DYNC2I2: variants seen among roughly 807,000 people sequenced by gnomAD.
DYNC2I2 encodes the protein dynein 2 intermediate chain 2.
Under a neutral mutation model 52.0 loss-of-function variants are expected in DYNC2I2, and 39 were observed. The observed-to-expected ratio is 0.75, with a 90% confidence interval of 0.58 to 0.98. The LOEUF (loss-of-function observed/expected upper bound fraction) is 0.98, where lower values mean the gene tolerates loss of function less well. Ranked by LOEUF, DYNC2I2 falls within the 50% of genes least tolerant of loss-of-function variation. The pLI is 0.00. For synonymous variants in DYNC2I2, 359 were observed against 321.1 expected (o/e 1.12, Z -1.26); for missense variants, 743 against 728.4 (o/e 1.02, Z -0.23).
At chr9:128,672,660 G>C in the DYNC2I2 span, among the ~76,000 whole-genome samples, 3 of 151,926 alleles carry the variant, frequency 2.0e-5, no homozygotes, top group Non-Finnish European at 4.4e-5. Flanking sequence ...AAAGAAGCCA[G>C]ATTCAATGAA....
chr9:128,663,301 C>G, the DYNC2I2 span: 2 of 152,190 alleles, frequency 1.3e-5, no homozygotes, highest in African/African-American at 2.4e-5. Flanking sequence ...TCAATTCAGG[C>G]CCCACTCCTT....
chr9:128,650,623 T>C lies in DYNC2I2; in HGVS notation c.186+5918A>G, dbSNP rs1860703308. On this transcript the variant is annotated intron_variant, in intron 1 of 8. Coordinates refer to ENST00000372715, the MANE Select transcript of DYNC2I2 (RefSeq NM_052844.4). ...CATGTCGGTCAGGCTGGTCTTCAAC[T>C]CCCAGTCGACCTCAGTTGATCTGCA... 3.8e-5 allele frequency among the ~76,000 whole-genome samples: 2 copies of C among 52,430 alleles called. 1 individual carries two copies. The highest frequency in any genetic ancestry group is 1.2e-3 in the South Asian group (2 of 1,716). 34.4% of individuals were successfully genotyped at this position (52,430 alleles called of 152,430 possible).
intron 2 of DYNC2I2, among the ~76,000 whole-genome samples, chr9:128,637,386 C>T (rs984454684): frequency 5.3e-5 from 8 of 152,324 alleles, no homozygotes; most frequent in African/African-American, 1.4e-4. Flanking sequence ...TCAAGCGAAC[C>T]ACCCGACGTC....
Position 128,640,831 on chromosome 9 carries a change from G to A in DYNC2I2, c.295C>T (p.Pro99Ser), listed in dbSNP as rs754573882. The change falls in exon 2 of 9, where the codon CCC becomes TCC. Residue 99 changes from proline (P) to serine (S), a missense_variant. Transcript: ENST00000372715. ...TEAPVPVSVQ[P>S]PSQYDIPRLA... ...CTGGGTATGTCATACTGGGACGGGGGCTGCACGCTGACAGGCACGGGGGCC... is the reference window on the plus strand; with the variant it reads ...CTGGGTATGTCATACTGGGACGGGGACTGCACGCTGACAGGCACGGGGGCC... 4.3e-6 allele frequency: 7 copies of A among 1,613,838 alleles called. No individual in the cohort carries two copies. The highest frequency in any genetic ancestry group is 5.9e-6 in the Non-Finnish European group (7 of 1,179,964).
At chr9:128,641,512 T>G (rs1360810307) in intron 1 of DYNC2I2, among the ~76,000 whole-genome samples, 1 of 152,156 alleles carries the variant, frequency 6.6e-6, no homozygotes, top group Non-Finnish European at 1.5e-5. Context: ...CCTGGTCCCC[T>G]GCTTAGCTGT....
intron 1 of DYNC2I2, chr9:128,652,215 T>G (rs1860729156): frequency 6.6e-6 from 1 of 150,600 alleles, no homozygotes; most frequent in Non-Finnish European, 1.5e-5. Flanking sequence ...GCAGATCACC[T>G]GAGGTCAGGA....
chr9:128,677,156 T>C, the DYNC2I2 span, among the ~76,000 whole-genome samples: 2 of 151,846 alleles, frequency 1.3e-5, no homozygotes, highest in African/African-American at 4.8e-5. Context: ...CCAGTTTTAT[T>C]TTTAATGTAA....
At chr9:128,667,477 C>T in the DYNC2I2 span, among the ~76,000 whole-genome samples, 2 of 151,508 alleles carry the variant, frequency 1.3e-5, no homozygotes, top group Admixed American at 6.6e-5. Context: ...AGGCGCCCGC[C>T]ACCACGCCCG....
upstream of DYNC2I2, among the ~76,000 whole-genome samples, chr9:128,658,096 A>AAAT (rs750252155): frequency 2.8e-4 from 42 of 152,008 alleles, no homozygotes; most frequent in East Asian, 6.4e-3. Context: ...CCCTGTCTCA[A>AAAT]AATAATAATA....
At chr9:128,659,119 G>T (rs2132195596), upstream of DYNC2I2, among the ~76,000 whole-genome samples, 1 of 151,938 alleles carries the variant, frequency 6.6e-6, no homozygotes, top group African/African-American at 2.4e-5. Context: ...CATGGCCTCT[G>T]CCTCCACCTG....
chr9:128,675,155 T>C, the DYNC2I2 span, among the ~76,000 whole-genome samples: 1 of 152,174 alleles, frequency 6.6e-6, no homozygotes, highest in Admixed American at 6.6e-5. Context: ...GGGCAAGTTA[T>C]GCCTTTGAGT....
the DYNC2I2 span, chr9:128,684,080 C>A: frequency 8.0e-7 from 1 of 1,245,492 alleles, no homozygotes; most frequent in Non-Finnish European, 1.1e-6. Context: ...TTTTACCCCC[C>A]AATCCCTCTT....
intron 2 of DYNC2I2, among the ~76,000 whole-genome samples, chr9:128,637,330 G>A (rs916277302): frequency 2.0e-5 from 3 of 152,256 alleles, no homozygotes; most frequent in Non-Finnish European, 2.9e-5. Context: ...GGTGGGGATG[G>A]TTGCCCAGCA....
chr9:128,669,390 A>T, the DYNC2I2 span, among the ~76,000 whole-genome samples: 1,443 of 151,900 alleles, frequency 9.5e-3, 19 homozygotes, highest in East Asian at 0.033. Flanking sequence ...ATTAAAAAAA[A>T]TTTTTAAAAT....
rs1014130111 is a variant in DYNC2I2, at chr9:128,656,556, G to A, written c.171C>T (p.Gly57=). Residue 57 remains glycine, a synonymous_variant, in exon 1 of 9, where the codon GGC becomes GGT. Transcript: ENST00000372715. ...GCGCCCTCACCGTCTCCCAGCGGAT[G>A]CCCTGGACGGCCCTCCACTGCGAGG... ...SVPSQWRAVQ[G]IRWETKSCQT... 1 of 1,455,796 alleles carries A rather than the reference G, an allele frequency of 6.9e-7. No homozygotes were observed. Among genetic ancestry groups the A allele is most frequent in the Non-Finnish European group, 9.0e-7 (1 of 1,110,332 alleles). 90.2% of individuals were successfully genotyped at this position (1,455,796 alleles called of 1,614,324 possible).
the DYNC2I2 span, among the ~76,000 whole-genome samples, chr9:128,678,046 A>AC: frequency 6.7e-6 from 1 of 150,132 alleles, no homozygotes; most frequent in Non-Finnish European, 1.5e-5. Context: ...TTTCCCTTCG[A>AC]CTTAGCTGCA....
the DYNC2I2 span, among the ~76,000 whole-genome samples, chr9:128,665,908 T>TA: frequency 2.9e-3 from 333 of 115,226 alleles, 2 homozygotes; most frequent in East Asian, 8.0e-3. Flanking sequence ...CCGTCTCTAC[T>TA]AAAAAAAAAA....
chr9:128,659,239 C>T (rs559362069), upstream of DYNC2I2, among the ~76,000 whole-genome samples: 249 of 151,874 alleles, frequency 1.6e-3, 6 homozygotes, highest in African/African-American at 2.4e-3. Flanking sequence ...GGGCCGGGCG[C>T]GGTGGCTCAC....
At chr9:128,644,544 C>A (rs1046020981) in intron 1 of DYNC2I2, among the ~76,000 whole-genome samples, 4 of 152,130 alleles carry the variant, frequency 2.6e-5, no homozygotes, top group Non-Finnish European at 4.4e-5. Context: ...CTCCCAAAGT[C>A]CTGGGATTAC....
Sources: gnomAD v4.1 joint callset for allele counts (sites outside exome capture counted in the v4.1 genomes callset) on GRCh38, gnomAD v4.1.1 for gene constraint, MANE v1.5 for transcripts, NCBI Gene and HGNC (gene_info 2026-07-23, HGNC 2026-07-21) for gene names.